Variants in CTDP1 observed in about 807,000 individuals in gnomAD.
CTDP1 encodes the protein RNA polymerase II subunit A C-terminal domain phosphatase.
In CTDP1, 47 loss-of-function variants were observed where a neutral mutation model predicts 91.8. That is an observed-to-expected ratio of 0.51 (90% CI 0.41 to 0.65). The LOEUF (loss-of-function observed/expected upper bound fraction) is 0.65. Among genes scored for constraint, CTDP1 ranks in the 30% least tolerant of loss-of-function variants. CTDP1 has a pLI of 0.00. For missense variants in CTDP1, 1,272 were observed against 1,373.7 expected, an observed-to-expected ratio of 0.93 and a Z score of 1.17; for synonymous variants, 656 against 598.5, an observed-to-expected ratio of 1.10 and a Z score of -1.40.
At chr18:79,697,379 C>T (rs1040127512) in intron 3 of CTDP1, among the ~76,000 whole-genome samples, 6 of 152,206 alleles carry the variant, frequency 3.9e-5, no homozygotes, top group African/African-American at 1.4e-4. Context: ...GGAGGGACAC[C>T]CCGATGCGCT....
chr18:79,688,453 CAG>C (rs2085553121), intron 1 of CTDP1, among the ~76,000 whole-genome samples: 2 of 152,216 alleles, frequency 1.3e-5, no homozygotes, highest in African/African-American at 4.8e-5. Flanking sequence ...TTAGTAGAGA[CAG>C]GGTTTCACCA....
At chr18:79,701,535 AAAT>A (rs2085858420) in intron 4 of CTDP1, among the ~76,000 whole-genome samples, 1 of 37,436 alleles carries the variant, frequency 2.7e-5, no homozygotes, top group Non-Finnish European at 8.0e-5. Context: ...TAAATTAAAT[AAAT>A]AAATAAATAA....
At chr18:79,695,707 G>T (rs377346923) in intron 2 of CTDP1, among the ~76,000 whole-genome samples, 1 of 152,190 alleles carries the variant, frequency 6.6e-6, no homozygotes, top group African/African-American at 2.4e-5. Flanking sequence ...ATGGTTGAGG[G>T]CCTGTTTCTG....
At chr18:79,727,365 C>T (rs2086471027) in intron 10 of CTDP1, among the ~76,000 whole-genome samples, 1 of 152,130 alleles carries the variant, frequency 6.6e-6, no homozygotes, top group Non-Finnish European at 1.5e-5. Flanking sequence ...GGAAGCGTGG[C>T]GTTCACGGGA....
intron 12 of CTDP1, among the ~76,000 whole-genome samples, chr18:79,737,767 C>G (rs2122794559): frequency 6.6e-6 from 1 of 152,266 alleles, no homozygotes; most frequent in East Asian, 1.9e-4. Context: ...CAGACTGCGT[C>G]TCTTCTTGCC....
intron 4 of CTDP1, among the ~76,000 whole-genome samples, chr18:79,702,461 C>T (rs906253309): frequency 6.6e-6 from 1 of 152,208 alleles, no homozygotes; most frequent in African/African-American, 2.4e-5. Flanking sequence ...GCAACCTCCA[C>T]CTCCCGGGTT....
chr18:79,682,017 A>G (rs1199047754), intron 1 of CTDP1, among the ~76,000 whole-genome samples: 1 of 152,182 alleles, frequency 6.6e-6, no homozygotes, highest in Admixed American at 6.5e-5. Flanking sequence ...AGATCCAGGA[A>G]GGAGCGACTG....
At chr18:79,736,836 ATG>A (rs1387173137) in intron 12 of CTDP1, among the ~76,000 whole-genome samples, 29 of 141,980 alleles carry the variant, frequency 2.0e-4, no homozygotes, top group African/African-American at 7.6e-4. Flanking sequence ...GTGCGCAGGC[ATG>A]TGTGAGGTGT....
chr18:79,725,722 G>C (rs114825673), intron 10 of CTDP1, among the ~76,000 whole-genome samples: 4,308 of 152,022 alleles, frequency 0.028, 211 homozygotes, highest in African/African-American at 0.098. Flanking sequence ...ACCTGACCTG[G>C]AGTGTCCATC....
chr18:79,680,521 C>T (rs1033703925), intron 1 of CTDP1, among the ~76,000 whole-genome samples: 1 of 152,246 alleles, frequency 6.6e-6, no homozygotes, highest in African/African-American at 2.4e-5. Context: ...ATGTTTGTTT[C>T]TTTCTTTCTG....
At chr18:79,718,906 C>T (rs767247218) in intron 10 of CTDP1, among the ~76,000 whole-genome samples, 46 of 152,200 alleles carry the variant, frequency 3.0e-4, no homozygotes, top group Non-Finnish European at 6.0e-4. Flanking sequence ...CGGGTGCTCA[C>T]GGTTAATGGG....
intron 1 of CTDP1, among the ~76,000 whole-genome samples, chr18:79,686,007 G>C (rs193231904): frequency 3.3e-5 from 5 of 152,256 alleles, no homozygotes; most frequent in East Asian, 1.9e-4. Context: ...ATTAAACGTG[G>C]GTAAGTTGCA....
At chr18:79,698,073 TA>T in intron 4 of CTDP1, 85 bp downstream of exon 4, 1 of 1,564,386 alleles carries the variant, frequency 6.4e-7, no homozygotes, top group Non-Finnish European at 8.7e-7. Flanking sequence ...TCTTGTTTTT[TA>T]GATGATTTCC....
chr18:79,718,721 G>C (rs2086271727), intron 10 of CTDP1, among the ~76,000 whole-genome samples: 1 of 140,012 alleles, frequency 7.1e-6, no homozygotes, highest in South Asian at 2.9e-4. Flanking sequence ...AGGAGTCTTT[G>C]TTTGTACCGT....
chr18:79,686,742 C>T (rs1330910560), intron 1 of CTDP1, among the ~76,000 whole-genome samples: 5 of 152,260 alleles, frequency 3.3e-5, no homozygotes, highest in Non-Finnish European at 4.4e-5. Flanking sequence ...ATGCAGTTAG[C>T]GAGTTGATAC....
At chr18:79,742,485 C>T (rs1051682487) in intron 12 of CTDP1, among the ~76,000 whole-genome samples, 1 of 152,220 alleles carries the variant, frequency 6.6e-6, no homozygotes, top group South Asian at 2.1e-4. Context: ...AGCAGACGCA[C>T]CTTACAAGAA....
chr18:79,750,991 G>GCA (rs1271200061), intron 12 of CTDP1, among the ~76,000 whole-genome samples: 1 of 139,782 alleles, frequency 7.2e-6, no homozygotes, highest in African/African-American at 2.7e-5. Flanking sequence ...GAGGGGCTGG[G>GCA]CACAGAGGAC....
intron 10 of CTDP1, among the ~76,000 whole-genome samples, chr18:79,725,165 G>A (rs1322992182): frequency 6.6e-6 from 1 of 152,198 alleles, no homozygotes; most frequent in African/African-American, 2.4e-5. Context: ...GTTGGTTGTG[G>A]TGTATAGTAA....
intron 12 of CTDP1, among the ~76,000 whole-genome samples, chr18:79,743,940 C>T (rs965059017): frequency 4.0e-5 from 6 of 151,888 alleles, no homozygotes; most frequent in Admixed American, 1.3e-4. Flanking sequence ...TCCAACCTCC[C>T]GCCCATTCTA....
Sources: gnomAD v4.1 joint callset for allele counts (sites outside exome capture counted in the v4.1 genomes callset) on GRCh38, gnomAD v4.1.1 for gene constraint, MANE v1.5 for transcripts, NCBI Gene and HGNC (gene_info 2026-07-23, HGNC 2026-07-21) for gene names.